The following SLC4A4 variants were observed in gnomAD, a reference collection of about 807,000 sequenced individuals.
The protein encoded by SLC4A4 is electrogenic sodium bicarbonate cotransporter 1.
In SLC4A4, 27 loss-of-function variants were observed where a neutral mutation model predicts 111.5. The ratio of observed to expected loss-of-function variants is 0.24; its 90% CI spans 0.18 to 0.33. The LOEUF (loss-of-function observed/expected upper bound fraction) is 0.33. SLC4A4 is among the 10% of genes least tolerant of loss of function. The pLI is 1.00. For missense variants in SLC4A4, 909 were observed against 1,315.5 expected, an observed-to-expected ratio of 0.69 and a Z score of 4.78; for synonymous variants, 443 against 463.4, an observed-to-expected ratio of 0.96 and a Z score of 0.57.
intron 3 of SLC4A4, among the ~76,000 whole-genome samples, chr4:71,321,171 T>C (rs934507734): frequency 2.0e-5 from 3 of 152,084 alleles, no homozygotes; most frequent in African/African-American, 7.2e-5. Context: ...CTAGGTTTTC[T>C]ATCAGCTTTG....
chr4:71,460,174 C>T (rs1295006021), intron 12 of SLC4A4, among the ~76,000 whole-genome samples: 1 of 151,830 alleles, frequency 6.6e-6, no homozygotes. Flanking sequence ...TAGCCAAAAT[C>T]GTCAATTTTT....
At chr4:71,150,467 C>T (rs996403377) in intron 2 of SLC4A4, among the ~76,000 whole-genome samples, 2 of 152,068 alleles carry the variant, frequency 1.3e-5, no homozygotes, top group Admixed American at 1.3e-4. Context: ...AGAGAGAGAA[C>T]TAAGCCAGTA....
intron 2 of SLC4A4, among the ~76,000 whole-genome samples, chr4:71,177,493 G>T (rs2148985595): frequency 6.6e-6 from 1 of 152,188 alleles, no homozygotes; most frequent in Non-Finnish European, 1.5e-5. Flanking sequence ...GATCTACCAA[G>T]CAAATGGAAA....
chr4:71,453,460 T>C lies in SLC4A4; in HGVS notation c.1323-35T>C, dbSNP rs756494277. 3.1e-6 allele frequency: 5 copies of C among 1,597,506 alleles called. No individual in the cohort carries two copies. The East Asian group carries it at 6.7e-5, about 21-fold the overall frequency. The stretch of plus-strand genomic sequence containing the variant: ...TGATTAATTTGATGGTAATTTACTT[T>C]ACATTTAGTGGATGTTTGCATTCTC... On this transcript the variant is annotated intron_variant, in intron 11 of 25. Transcript: ENST00000264485.
At chr4:71,147,529 G>T (rs1744210469) in intron 2 of SLC4A4, among the ~76,000 whole-genome samples, 1 of 152,102 alleles carries the variant, frequency 6.6e-6, no homozygotes. Context: ...GATGAACCAA[G>T]GACTTGGGTT....
At chr4:71,153,153 C>T (rs1211776184) in intron 2 of SLC4A4, among the ~76,000 whole-genome samples, 1 of 151,642 alleles carries the variant, frequency 6.6e-6, no homozygotes, top group African/African-American at 2.4e-5. Flanking sequence ...GTCCGAGTCC[C>T]AAAACTGAAG....
intron 1 of SLC4A4, among the ~76,000 whole-genome samples, chr4:71,225,422 G>A (rs952843994): frequency 2.0e-4 from 30 of 151,980 alleles, no homozygotes; most frequent in African/African-American, 7.0e-4. Flanking sequence ...ACATCCTTTA[G>A]CTAGAACCTT....
intron 7 of SLC4A4, among the ~76,000 whole-genome samples, chr4:71,424,985 T>TATA (rs1722982916): frequency 6.6e-6 from 1 of 151,498 alleles, no homozygotes; most frequent in Admixed American, 6.6e-5. Context: ...AAACTTAAAG[T>TATA]ATAATAATAA....
rs76433464 is a variant in SLC4A4 at position 71,490,154 on chromosome 4, A to G, written c.1974+3136A>G. ...CAAATTCCTTAAAAGGTTCCTGTAA[A>G]CCTTTAAAATTAGCCACAGCTTGTT... On this transcript the variant is annotated intron_variant, in intron 15 of 25. Transcript: ENST00000264485. 3.8e-4 allele frequency among the ~76,000 whole-genome samples: 58 copies of G among 151,856 alleles called. No individual in the cohort carries two copies. In the East Asian group the frequency reaches 0.011, roughly 28 times the overall value.
intron 1 of SLC4A4, among the ~76,000 whole-genome samples, chr4:71,208,627 A>G (rs574382957): frequency 2.0e-5 from 3 of 152,044 alleles, no homozygotes; most frequent in South Asian, 2.1e-4. Context: ...TTTGGTATTA[A>G]AATCTCATAA....
intron 3 of SLC4A4, among the ~76,000 whole-genome samples, chr4:71,323,052 A>G (rs555584593): frequency 9.9e-5 from 15 of 151,996 alleles, no homozygotes; most frequent in Non-Finnish European, 1.5e-5. Flanking sequence ...TGTTGAACAT[A>G]TTTTTGAGAA....
At chr4:71,286,100 C>T (rs954757023) in intron 3 of SLC4A4, among the ~76,000 whole-genome samples, 3 of 152,068 alleles carry the variant, frequency 2.0e-5, no homozygotes, top group Non-Finnish European at 4.4e-5. Flanking sequence ...ATTAGACAGG[C>T]ATGGTGGCGG....
chr4:71,560,913 G>A (rs571803031), intron 23 of SLC4A4, among the ~76,000 whole-genome samples: 2 of 151,830 alleles, frequency 1.3e-5, no homozygotes, highest in East Asian at 3.9e-4. Context: ...TTGTTGCCCA[G>A]TTTTTTCTTT....
chr4:71,123,203 A>G (rs1300063391), intron 2 of SLC4A4, among the ~76,000 whole-genome samples: 1 of 152,184 alleles, frequency 6.6e-6, no homozygotes, highest in Non-Finnish European at 1.5e-5. Context: ...GCAAATGGAG[A>G]GGAGGACTTT....
At chr4:71,293,708 C>T (rs932095144) in intron 3 of SLC4A4, among the ~76,000 whole-genome samples, 13 of 152,158 alleles carry the variant, frequency 8.5e-5, no homozygotes, top group Admixed American at 2.0e-4. Flanking sequence ...ATAAAAAGTC[C>T]TGCAAGGTCA....
intron 7 of SLC4A4, among the ~76,000 whole-genome samples, chr4:71,426,467 G>A (rs1723149980): frequency 1.3e-5 from 2 of 152,114 alleles, no homozygotes; most frequent in South Asian, 4.1e-4. Flanking sequence ...AAAGGTGTGG[G>A]GAGGGTGGAG....
Position 71,424,932 on chromosome 4 carries a change from T to G in SLC4A4, c.808-15684T>G, listed in dbSNP as rs1722975439. Among the ~76,000 whole-genome samples the G allele has an allele frequency of 1.3e-5, 2 of 152,022 alleles. 1 individual carries two copies. Among genetic ancestry groups the G allele is most frequent in the Non-Finnish European group, 2.9e-5 (2 of 67,972 alleles). Reference sequence around the variant, plus strand: ...GTGCAATGCACCAACATGGCACATGTATACATATGTAACTAACCTGCACCT... The same window carrying G: ...GTGCAATGCACCAACATGGCACATGGATACATATGTAACTAACCTGCACCT... On this transcript the variant is annotated intron_variant, in intron 7 of 25. Coordinates refer to ENST00000264485, the MANE Select transcript of SLC4A4 (RefSeq NM_001098484.3).
At chr4:71,458,034 T>TTTC (rs1215535561) in intron 12 of SLC4A4, among the ~76,000 whole-genome samples, 92 of 152,266 alleles carry the variant, frequency 6.0e-4, no homozygotes, top group Middle Eastern at 6.8e-3. Flanking sequence ...CTATTTTTGA[T>TTTC]CTGCAGTTGG....
chr4:71,100,606 A>T lies in SLC4A4; in HGVS notation c.-2+7814A>T, dbSNP rs202120769. Among the ~76,000 whole-genome samples the T allele has an allele frequency of 2.0e-5, 3 of 152,186 alleles. No individual in the cohort carries two copies. In the East Asian group the frequency reaches 5.8e-4, roughly 29 times the overall value. ...TGTAAGGTCTGCCCAGAGCAGTCAGACAAGAGAAAGAAAGAAAAGATATCC... is the reference window on the plus strand; with the variant it reads ...TGTAAGGTCTGCCCAGAGCAGTCAGTCAAGAGAAAGAAAGAAAAGATATCC... On this transcript the variant is annotated intron_variant, in intron 2 of 26. Coordinates refer to the SLC4A4 transcript ENST00000649996.
Sources: allele counts gnomAD v4.1 joint callset (sites outside exome capture counted in the v4.1 genomes callset), GRCh38; gene constraint gnomAD v4.1.1; transcripts MANE v1.5; gene names NCBI Gene and HGNC (gene_info 2026-07-23, HGNC 2026-07-21).